The following CDHR4 variants were observed in gnomAD, a reference collection of about 807,000 sequenced individuals.
The protein encoded by CDHR4 is cadherin-related family member 4.
Under a neutral mutation model 88.4 loss-of-function variants are expected in CDHR4, and 89 were observed. The observed-to-expected ratio is 1.01, with a 90% CI of 0.85 to 1.20. CDHR4 has a LOEUF of 1.20. CDHR4 is among the 50% of genes most tolerant of loss of function. CDHR4 has a pLI of 0.00. For missense variants in CDHR4, 914 were observed against 1,007.2 expected (o/e 0.91, Z 1.25); for synonymous variants, 368 against 399.2 (o/e 0.92, Z 0.93).
Position 49,795,246 on chromosome 3 carries a change from A to G in CDHR4, c.981T>C (p.Asn327=), listed in dbSNP as rs2108282385. The change falls in exon 8 of 19, where the codon AAT becomes AAC. Residue 327 remains asparagine (N), a synonymous_variant. Coordinates refer to ENST00000412678, the MANE Select transcript of CDHR4 (RefSeq NM_001007540.4). This position sits in a 1 kb window ranked among gnomAD's most constrained non-coding sequence, Gnocchi z 5.4. ...GAGGCCAGAGGTTGACCAGCTGCAC[A>G]TTCATGGTGAGATTGAGCTTGGCAC... The part of the protein sequence containing the change: ...WASAKLNLTM[N]VQLVNLWPPR... The G allele has an allele frequency of 1.3e-6, 2 of 1,551,644 alleles. No individual in the cohort carries two copies. The highest frequency in any genetic ancestry group is 1.2e-5 in the South Asian group (1 of 84,050).
rs2081248830 is a variant in CDHR4 at position 49,795,125 on chromosome 3, G to A, written c.1032-25C>T. 1 of 1,551,486 alleles carries A rather than the reference G, an allele frequency of 6.4e-7. No individual in the cohort carries two copies. Among genetic ancestry groups the A allele is most frequent in the Non-Finnish European group, 8.7e-7 (1 of 1,146,974 alleles). Reference sequence around the variant, plus strand: ...CCTGAGAGTATGCAGTGGCAGCAAGGCAGGAGTCTGGCAGTACCCTGAGTC... The same window carrying A: ...CCTGAGAGTATGCAGTGGCAGCAAGACAGGAGTCTGGCAGTACCCTGAGTC... On this transcript the variant is annotated intron_variant, in intron 8 of 18. Transcript: ENST00000412678. The surrounding 1 kb of genome is among the most constrained non-coding windows in gnomAD (Gnocchi z 5.4).
chr3:49,795,588 G>A lies in CDHR4; in HGVS notation c.847+40C>T. 6.4e-7 allele frequency: 1 copy of A among 1,550,604 alleles called. No homozygotes were observed. Among genetic ancestry groups the A allele is most frequent in the Non-Finnish European group, 8.7e-7 (1 of 1,146,456 alleles). On this transcript the variant is annotated intron_variant, in intron 7 of 18. Coordinates refer to ENST00000412678, the MANE Select transcript of CDHR4 (RefSeq NM_001007540.4). This position sits in a 1 kb window ranked among gnomAD's most constrained non-coding sequence, Gnocchi z 5.4. The stretch of plus-strand genomic sequence containing the variant: ...GGGTCACCTCTGGACCAGCCACAGA[G>A]GCATCCCAGTACCTGCCCCCACCCC...
At chr3:49,796,256 G>A (rs1383432403) in intron 5 of CDHR4, among the ~76,000 whole-genome samples, 3 of 152,158 alleles carry the variant, frequency 2.0e-5, no homozygotes, top group African/African-American at 7.2e-5. Context: ...TATTCCATTA[G>A]GATACAAACA....
In CDHR4 at chr3:49,795,402, G is replaced by C; in HGVS notation, c.848-23C>G. The C allele has an allele frequency of 6.5e-7, 1 of 1,547,422 alleles. No individual in the cohort carries two copies. The highest frequency in any genetic ancestry group is 8.7e-7 in the Non-Finnish European group (1 of 1,146,412). On this transcript the variant is annotated intron_variant, in intron 7 of 18. Coordinates refer to ENST00000412678, the MANE Select transcript of CDHR4 (RefSeq NM_001007540.4). The surrounding 1 kb of genome is among the most constrained non-coding windows in gnomAD (Gnocchi z 5.4). ...CTGCTGCATGGGGTGAGAGAACACA[G>C]AGGTCAGGGGTCAGGGAACACAGAG...
At chr3:49,792,706 T>C in intron 14 of CDHR4, 96 bp from the exon 15 acceptor site, 1 of 1,502,164 alleles carries the variant, frequency 6.7e-7, no homozygotes, top group Non-Finnish European at 8.9e-7. Context: ...CCCACACCCA[T>C]GATTTGCTCT....
rs765881090 is a variant in CDHR4 at position 49,795,346 on chromosome 3, T to A, written c.881A>T (p.Glu294Val). The A allele has an allele frequency of 2.6e-6, 4 of 1,551,112 alleles. No homozygotes were observed. The South Asian group carries it at 4.8e-5, about 18-fold the overall frequency. Residue 294 changes from glutamate to valine, a missense_variant, in exon 8 of 19, where the codon GAG becomes GTG. Transcript: ENST00000412678. The surrounding 1 kb of genome is among the most constrained non-coding windows in gnomAD (Gnocchi z 5.4). ...CGCGGTGCCTGAGGTGCGAGCTAAC[T>A]CTAGGGGCGTGGTGGTCCGGACCAC... The part of the protein sequence containing the change: ...DGVVRTTTPL[E>V]LARTSGTAVS...
Position 49,793,913 on chromosome 3 carries a change from G to A in CDHR4, c.1373C>T (p.Pro458Leu). Residue 458 changes from proline to leucine, a missense_variant, in exon 11 of 19, where the codon CCC (proline) becomes CTC (leucine). Pro to Leu is a moderately conservative substitution (Grantham distance 98). Transcript: ENST00000412678. ...RTFRVQEDAA[P>L]HTLLGSVVGT... ...CACCACGGAGCCCAGTAGAGTGTGG[G>A]GCGCCGCATCCTCCTGAACCCGGAA... 6.4e-7 allele frequency: 1 copy of A among 1,551,770 alleles called. No homozygotes were observed. Among genetic ancestry groups the A allele is most frequent in the Non-Finnish European group, 8.7e-7 (1 of 1,146,990 alleles).
At position 49,795,590 on chromosome 3, in the gene CDHR4, C is replaced by T; in HGVS notation, c.847+38G>A. ...GTCACCTCTGGACCAGCCACAGAGG[C>T]ATCCCAGTACCTGCCCCCACCCCCC... On this transcript the variant is annotated intron_variant, in intron 7 of 18. Coordinates refer to ENST00000412678, the MANE Select transcript of CDHR4 (RefSeq NM_001007540.4). This position sits in a 1 kb window ranked among gnomAD's most constrained non-coding sequence, Gnocchi z 5.4. The T allele has an allele frequency of 5.2e-6, 8 of 1,550,520 alleles. No individual in the cohort carries two copies. The South Asian group carries it at 9.5e-5, about 18-fold the overall frequency.
rs2081256299 is a variant in CDHR4 at position 49,795,437 on chromosome 3, G to A, written c.848-58C>T. On this transcript the variant is annotated intron_variant, in intron 7 of 18. Coordinates refer to ENST00000412678, the MANE Select transcript of CDHR4 (RefSeq NM_001007540.4). This position sits in a 1 kb window ranked among gnomAD's most constrained non-coding sequence, Gnocchi z 5.4. ...GTCAGGGAACACAGAGATCAGCCCC[G>A]CCTCCCAGCTCAGTCCCACTCCTGC... The A allele has an allele frequency of 5.2e-6, 8 of 1,527,446 alleles. No individual in the cohort carries two copies. The African/African-American group carries it at 5.5e-5, about 11-fold the overall frequency. 94.6% of individuals were successfully genotyped at this position (1,527,446 alleles called of 1,614,324 possible).
intron 15 of CDHR4, 113 bp downstream of exon 15, chr3:49,792,355 C>T (rs1361887553): frequency 1.2e-5 from 16 of 1,325,114 alleles, no homozygotes; most frequent in Middle Eastern, 2.2e-4. Context: ...AATATCAGTT[C>T]GTCACCCACC....
rs748437703 is a variant in CDHR4 at position 49,793,883 on chromosome 3, G to A, written c.1403C>T (p.Thr468Met). The A allele has an allele frequency of 1.4e-4, 224 of 1,551,620 alleles. No homozygotes were observed. The highest frequency in any genetic ancestry group is 1.9e-4 in the Non-Finnish European group (220 of 1,146,996). The part of the protein sequence containing the change: ...PHTLLGSVVG[T>M]DMDYPHDNIE... ...GTTGTCATGAGGGTAATCCATATCC[G>A]TGCCCACCACGGAGCCCAGTAGAGT... The change falls in exon 11 of 19, where the codon ACG becomes ATG. Residue 468 changes from threonine (T) to methionine (M), a missense_variant. Transcript: ENST00000412678.
chr3:49,800,621 T>C (rs904380257), upstream of CDHR4, among the ~76,000 whole-genome samples: 2 of 152,138 alleles, frequency 1.3e-5, no homozygotes, highest in African/African-American at 4.8e-5. Flanking sequence ...GAATATCAGT[T>C]GGATAGGGCA....
At chr3:49,793,496 C>T (rs2081215226) in intron 12 of CDHR4, 87 bp downstream of exon 12, 14 of 1,508,202 alleles carry the variant, frequency 9.3e-6, no homozygotes, top group Non-Finnish European at 1.2e-5. Context: ...GAAACCAAGG[C>T]ACAGAGTGGA....
upstream of CDHR4, among the ~76,000 whole-genome samples, chr3:49,801,051 CA>C (rs59712683): frequency 0.024 from 3,419 of 140,668 alleles, 135 homozygotes; most frequent in African/African-American, 0.084. Flanking sequence ...GGCCCTGTCT[CA>C]AAAAAAAAAA....
At position 49,791,795 on chromosome 3, in the gene CDHR4, C is replaced by T. The variant is rs752921504; in HGVS notation, c.2202G>A (p.Gln734=). The T allele has an allele frequency of 2.9e-5, 45 of 1,551,620 alleles. 1 individual carries two copies. In the Admixed American group the frequency reaches 3.5e-4, roughly 12 times the overall value. ...AACCCTCGATGGATCCCTCAGTTCCCTGGATGCTGGGGCAAAGTACGAGCA... is the reference window on the plus strand; with the variant it reads ...AACCCTCGATGGATCCCTCAGTTCCTTGGATGCTGGGGCAAAGTACGAGCA... ...PAQALLLNSI[Q]GTEGSIEGFL... Residue 734 remains glutamine, a synonymous_variant, in exon 17 of 19, where the codon CAG becomes CAA. Coordinates refer to ENST00000412678, the MANE Select transcript of CDHR4 (RefSeq NM_001007540.4).
chr3:49,796,075 C>T, intron 5 of CDHR4, 29 bp from the exon 6 acceptor site: 1 of 1,461,992 alleles, frequency 6.8e-7, no homozygotes, highest in South Asian at 1.4e-5. Context: ...AGAAAAGGAG[C>T]CAGATTGTGT....
intron 10 of CDHR4, 37 bp downstream of exon 10, chr3:49,794,571 C>T (rs2081238222): frequency 1.3e-6 from 2 of 1,501,660 alleles, no homozygotes; most frequent in Admixed American, 2.0e-5. Context: ...ACAGAACAGC[C>T]TTGTCCTGGG....
rs1413001220 is a variant in CDHR4 at position 49,792,365 on chromosome 3, C to G, written c.2138+103G>C. On this transcript the variant is annotated intron_variant, in intron 15 of 18. Transcript: ENST00000412678. ...TCCTCAATATCAGTTCGTCACCCAC[C>G]TACTTGGGCATTGTCATCTAATCTT... is the stretch of plus-strand genomic sequence containing the variant. The G allele has an allele frequency of 1.1e-5, 16 of 1,407,070 alleles. No homozygotes were observed. The East Asian group carries it at 4.0e-4, about 35-fold the overall frequency. The allele number at this position is 1,407,070 out of a possible 1,614,324, so 87.2% of individuals were successfully genotyped here. A position where few individuals can be genotyped will look rare whatever the true frequency, so the allele number is the denominator to read the frequency against.
At chr3:49,802,263 T>TC, upstream of CDHR4, among the ~76,000 whole-genome samples, 1 of 152,098 alleles carries the variant, frequency 6.6e-6, no homozygotes, top group Admixed American at 6.5e-5. Flanking sequence ...AAGCTCCGCC[T>TC]CCCGGGTTCA....
Sources: allele counts gnomAD v4.1 joint callset (sites outside exome capture counted in the v4.1 genomes callset), GRCh38; gene constraint gnomAD v4.1.1; non-coding constraint Gnocchi (gnomAD v3.1); transcripts MANE v1.5; gene names NCBI Gene and HGNC (gene_info 2026-07-23, HGNC 2026-07-21).